Variants in ASTN2 observed in about 807,000 individuals in gnomAD.
ASTN2 encodes astrotactin-2.
In ASTN2, 54 loss-of-function variants were observed where a neutral mutation model predicts 139.8. That is an observed-to-expected ratio of 0.39 (90% CI 0.31 to 0.48). The LOEUF is 0.48. Ranked by LOEUF, ASTN2 falls within the 20% of genes least tolerant of loss-of-function variation. The pLI is 0.95. For missense variants in ASTN2, 1,565 were observed against 1,725.1 expected (o/e 0.91, Z 1.64); for synonymous variants, 756 against 719.5 (o/e 1.05, Z -0.81).
chr9:116,785,962 G>A (rs1830363989), intron 13 of ASTN2, among the ~76,000 whole-genome samples: 2 of 152,024 alleles, frequency 1.3e-5, no homozygotes, highest in Admixed American at 6.6e-5. Context: ...CTGCATTTAG[G>A]AGTCCCACAG....
At position 117,358,261 on chromosome 9, in the gene ASTN2, G is replaced by GAC. The variant is rs67475291; in HGVS notation, c.442+56234_442+56235dup. ...GGTAATACATATGCATACATGTGCA[G>GAC]ACACACACACACACACACACACACA... On this transcript the variant is annotated intron_variant, in intron 1 of 22. Coordinates refer to ENST00000313400, the MANE Select transcript of ASTN2 (RefSeq NM_001365068.1). Among the ~76,000 whole-genome samples the GAC allele has an allele frequency of 3.9e-3, 573 of 146,872 alleles. 1 individual carries two copies. The highest frequency in any genetic ancestry group is 6.5e-3 in the African/African-American group (257 of 39,616).
intron 7 of ASTN2, among the ~76,000 whole-genome samples, chr9:117,000,050 G>A (rs1286343686): frequency 6.6e-6 from 1 of 152,160 alleles, no homozygotes; most frequent in Non-Finnish European, 1.5e-5. Context: ...AACGTCTCAT[G>A]AAATATTTAT....
chr9:117,019,803 C>T (rs1304178878), intron 6 of ASTN2, among the ~76,000 whole-genome samples: 3 of 152,078 alleles, frequency 2.0e-5, no homozygotes, highest in Non-Finnish European at 4.4e-5. Flanking sequence ...ACCTGAAGGA[C>T]TTTATGCCTA....
At chr9:116,623,022 G>A (rs937822264) in intron 17 of ASTN2, among the ~76,000 whole-genome samples, 3 of 152,126 alleles carry the variant, frequency 2.0e-5, no homozygotes, top group Non-Finnish European at 2.9e-5. Context: ...TTAAAATTCT[G>A]TAACATCTCC....
At chr9:116,908,800 T>C (rs1371387504) in intron 10 of ASTN2, among the ~76,000 whole-genome samples, 2 of 152,222 alleles carry the variant, frequency 1.3e-5, no homozygotes, top group Non-Finnish European at 2.9e-5. Context: ...AATGTATGCG[T>C]GTATAATATG....
chr9:117,242,997 A>T (rs939713144), intron 2 of ASTN2, among the ~76,000 whole-genome samples: 1 of 152,250 alleles, frequency 6.6e-6, no homozygotes, highest in African/African-American at 2.4e-5. Context: ...CATCATCATC[A>T]TCACCATAAT....
chr9:116,876,853 A>T (rs1449580230), intron 10 of ASTN2, among the ~76,000 whole-genome samples: 2 of 152,238 alleles, frequency 1.3e-5, no homozygotes, highest in African/African-American at 2.4e-5. Context: ...GCACTAGGAA[A>T]CAAAAGTATT....
chr9:116,863,516 C>A, intron 11 of ASTN2, 67 bp downstream of exon 11: 1 of 1,571,076 alleles, frequency 6.4e-7, no homozygotes, highest in Non-Finnish European at 8.7e-7. Flanking sequence ...CCTCGCAGGG[C>A]AGGGCTTCTA....
At chr9:116,647,521 T>C (rs900191531) in intron 17 of ASTN2, among the ~76,000 whole-genome samples, 1 of 152,196 alleles carries the variant, frequency 6.6e-6, no homozygotes, top group Non-Finnish European at 1.5e-5. Context: ...TGAGGGAACC[T>C]GGCATGGAAT....
chr9:116,435,833 T>C (rs915944799), intron 22 of ASTN2, among the ~76,000 whole-genome samples: 6 of 152,238 alleles, frequency 3.9e-5, no homozygotes, highest in African/African-American at 1.2e-4. Flanking sequence ...GCTTGTTACA[T>C]TGGATTTTTT....
At chr9:116,908,792 T>C (rs954129702) in intron 10 of ASTN2, among the ~76,000 whole-genome samples, 3 of 152,222 alleles carry the variant, frequency 2.0e-5, no homozygotes, top group African/African-American at 7.2e-5. Context: ...GGCATTATAA[T>C]GTATGCGTGT....
chr9:116,958,446 GGGCGTGGC>G (rs549284335), intron 10 of ASTN2, among the ~76,000 whole-genome samples: 1 of 152,054 alleles, frequency 6.6e-6, no homozygotes, highest in Non-Finnish European at 1.5e-5. Flanking sequence ...AAAATTAGCC[GGGCGTGGC>G]GGCGGGTGCC....
chr9:116,463,516 G>C (rs538675303), intron 20 of ASTN2, among the ~76,000 whole-genome samples: 1 of 152,140 alleles, frequency 6.6e-6, no homozygotes, highest in Non-Finnish European at 1.5e-5. Context: ...CTCAGCCTAT[G>C]GGCTTTTGCT....
intron 17 of ASTN2, among the ~76,000 whole-genome samples, chr9:116,646,222 G>A (rs1289084027): frequency 6.6e-6 from 1 of 152,192 alleles, no homozygotes; most frequent in Non-Finnish European, 1.5e-5. Flanking sequence ...GAAAGAAACT[G>A]ACTCCACTTA....
At chr9:116,511,098 C>T (rs944136822) in intron 19 of ASTN2, among the ~76,000 whole-genome samples, 9 of 152,148 alleles carry the variant, frequency 5.9e-5, no homozygotes, top group Non-Finnish European at 1.2e-4. Context: ...AAAGGGAATG[C>T]TTCCATTTTT....
At position 117,051,782 on chromosome 9, in the gene ASTN2, G is replaced by A. The variant is rs527714970; in HGVS notation, c.1277-11817C>T. Among the ~76,000 whole-genome samples, 274 of 152,290 alleles carry A rather than the reference G, an allele frequency of 1.8e-3. 1 individual carries two copies. Among genetic ancestry groups the A allele is most frequent in the African/African-American group, 6.4e-3 (266 of 41,562 alleles). ...CATGCTGAAGGTTAGGAAGAGGGCA[G>A]GAGGACAGCCACGTTCACAGTCAGA... On this transcript the variant is annotated intron_variant, in intron 5 of 22. Coordinates refer to ENST00000313400, the MANE Select transcript of ASTN2 (RefSeq NM_001365068.1).
intron 7 of ASTN2, among the ~76,000 whole-genome samples, chr9:116,981,432 T>G (rs1193644761): frequency 6.6e-6 from 1 of 152,206 alleles, no homozygotes; most frequent in Non-Finnish European, 1.5e-5. Flanking sequence ...CAAGTGCTGA[T>G]GAAATGTCAA....
At position 117,046,510 on chromosome 9, in the gene ASTN2, G is replaced by T. The variant is rs150975697; in HGVS notation, c.1277-6545C>A. On this transcript the variant is annotated intron_variant, in intron 5 of 22. Transcript: ENST00000313400. The stretch of plus-strand genomic sequence containing the variant: ...GCACCATGTCTGACATATACTTAGG[G>T]CTCTGTAAGCTCTCAATATATTTCC... Among the ~76,000 whole-genome samples the T allele has an allele frequency of 1.8e-3, 272 of 152,190 alleles. 1 individual carries two copies. The highest frequency in any genetic ancestry group is 1.1e-3 in the Non-Finnish European group (76 of 68,018).
chr9:116,687,670 TGTC>T (rs1860336660), intron 16 of ASTN2, among the ~76,000 whole-genome samples: 2 of 150,772 alleles, frequency 1.3e-5, no homozygotes, highest in African/African-American at 4.9e-5. Context: ...TATGAGGTAA[TGTC>T]GGGGCCCTGA....
Sources: allele counts gnomAD v4.1 joint callset (sites outside exome capture counted in the v4.1 genomes callset), GRCh38; gene constraint gnomAD v4.1.1; transcripts MANE v1.5; gene names NCBI Gene and HGNC (gene_info 2026-07-23, HGNC 2026-07-21).